Variants in UBR3 observed in about 807,000 individuals in gnomAD.
UBR3 encodes the protein E3 ubiquitin-protein ligase UBR3.
In UBR3, 85 loss-of-function variants were observed where a neutral mutation model predicts 243.2. That is an observed-to-expected ratio of 0.35 (90% CI 0.29 to 0.42). The LOEUF (loss-of-function observed/expected upper bound fraction) is 0.42. Ranked by LOEUF, UBR3 falls within the 10% of genes least tolerant of loss-of-function variation. The pLI, the probability that UBR3 is intolerant of heterozygous loss-of-function variation, is 1.00. For synonymous variants in UBR3, 748 were observed against 799.8 expected (o/e 0.94, Z 1.09); for missense variants, 1,686 against 2,300.8 (o/e 0.73, Z 5.47).
At chr2:169,929,791 A>G (rs1024440502) in intron 18 of UBR3, among the ~76,000 whole-genome samples, 2 of 152,154 alleles carry the variant, frequency 1.3e-5, no homozygotes, top group African/African-American at 4.8e-5. Flanking sequence ...TCACTTCTCT[A>G]AGTGAAAATT....
intron 8 of UBR3, among the ~76,000 whole-genome samples, chr2:169,899,177 A>G (rs1039029742): frequency 3.3e-5 from 5 of 149,438 alleles, no homozygotes; most frequent in Admixed American, 6.7e-5. Context: ...ACAGGGTTTC[A>G]CTGCATTGGC....
chr2:169,962,735 A>C (rs2087635394), intron 24 of UBR3, among the ~76,000 whole-genome samples: 1 of 139,170 alleles, frequency 7.2e-6, no homozygotes, highest in Non-Finnish European at 1.6e-5. Flanking sequence ...TTTCTGAAAG[A>C]GTTTAGGGTG....
chr2:169,912,203 T>C lies in UBR3; in HGVS notation c.1780-1857T>C, dbSNP rs527914102. 6.0e-4 allele frequency among the ~76,000 whole-genome samples: 79 copies of C among 132,078 alleles called. 1 individual carries two copies. The South Asian group carries it at 0.013, about 21-fold the overall frequency. 86.6% of individuals were successfully genotyped at this position (132,078 alleles called of 152,430 possible). On this transcript the variant is annotated intron_variant, in intron 10 of 38. Coordinates refer to ENST00000272793, the MANE Select transcript of UBR3 (RefSeq NM_172070.4). ...ACATTATACGTGATGCCCCAAAATA[T>C]CTGTTTTTAACTTAAAAAAGGAGAT...
In UBR3 at chr2:169,836,078, T is replaced by A. The variant is rs1195445435; in HGVS notation, c.545+8026T>A. ...ATATATATATATATATTTTTTTTTT[T>A]TTTTTTTTTTTTTTTGAGATGGAAA... On this transcript the variant is annotated intron_variant, in intron 1 of 38. Coordinates refer to ENST00000272793, the MANE Select transcript of UBR3 (RefSeq NM_172070.4). Among the ~76,000 whole-genome samples, 35 of 95,940 alleles carry A rather than the reference T, an allele frequency of 3.6e-4. 2 individuals are homozygous for A. Among genetic ancestry groups the A allele is most frequent in the Non-Finnish European group, 5.1e-4 (23 of 45,156 alleles). The allele number at this position is 95,940 out of a possible 152,430, so 62.9% of individuals were successfully genotyped here. A position where few individuals can be genotyped will look rare whatever the true frequency, so the allele number is the denominator to read the frequency against.
chr2:170,037,898 A>G (rs984200836), intron 31 of UBR3, among the ~76,000 whole-genome samples: 2 of 152,102 alleles, frequency 1.3e-5, no homozygotes, highest in Admixed American at 6.6e-5. Flanking sequence ...GCATACGGCA[A>G]TTTGGACTGA....
intron 10 of UBR3, among the ~76,000 whole-genome samples, chr2:169,910,481 T>C (rs1011368468): frequency 2.6e-5 from 4 of 152,140 alleles, no homozygotes; most frequent in Non-Finnish European, 5.9e-5. Flanking sequence ...TGAAAAATCA[T>C]TATTTCCGGG....
intron 1 of UBR3, among the ~76,000 whole-genome samples, chr2:169,842,605 A>T (rs1272159112): frequency 6.6e-6 from 1 of 152,146 alleles, no homozygotes; most frequent in African/African-American, 2.4e-5. Flanking sequence ...CGAGACCACG[A>T]GCCCGCCAGG....
At chr2:170,027,176 A>G (rs2090550787) in intron 30 of UBR3, among the ~76,000 whole-genome samples, 1 of 151,766 alleles carries the variant, frequency 6.6e-6, no homozygotes, top group African/African-American at 2.4e-5. Context: ...AGCTGGCAAT[A>G]TTAAATTTAT....
At chr2:170,064,393 C>A (rs2091511788) in intron 35 of UBR3, among the ~76,000 whole-genome samples, 1 of 151,952 alleles carries the variant, frequency 6.6e-6, no homozygotes, top group African/African-American at 2.4e-5. Context: ...TACACACCTA[C>A]TATGTACCCA....
At chr2:170,048,378 A>C (rs1283647732) in intron 32 of UBR3, among the ~76,000 whole-genome samples, 1 of 152,204 alleles carries the variant, frequency 6.6e-6, no homozygotes, top group Non-Finnish European at 1.5e-5. Context: ...TCACTCTGGC[A>C]TCATGCTGTT....
At chr2:169,964,727 C>T (rs540786144) in intron 24 of UBR3, 31 of 374,308 alleles carry the variant, frequency 8.3e-5, no homozygotes, top group South Asian at 6.3e-4. Context: ...ATAAACAATG[C>T]TTACAGCTCA....
At position 170,007,036 on chromosome 2, in the gene UBR3, C is replaced by T. The variant is rs778395230; in HGVS notation, c.4076C>T (p.Thr1359Met). ...TTCTCGGTGGACAAAGGAGAATTCA[C>T]GTGTCCACTCTGTAGGCAGTTTGCT... ...QGFSVDKGEF[T>M]CPLCRQFANS... Residue 1359 changes from threonine to methionine, a missense_variant, in exon 28 of 39, where the codon ACG becomes ATG. This residue lies in a region of UBR3 where 156 missense variants were observed against 246.3 expected (regional missense o/e 0.63). Coordinates refer to ENST00000272793, the MANE Select transcript of UBR3 (RefSeq NM_172070.4). The T allele has an allele frequency of 3.4e-5, 54 of 1,611,156 alleles. No homozygotes were observed. The highest frequency in any genetic ancestry group is 1.4e-5 in the African/African-American group (1 of 73,926).
chr2:169,983,828 T>G (rs1446150017), intron 24 of UBR3, among the ~76,000 whole-genome samples: 11 of 152,238 alleles, frequency 7.2e-5, no homozygotes, highest in Admixed American at 7.2e-4. Context: ...CTTTTTTGTA[T>G]TTATTGTAAT....
At position 169,986,666 on chromosome 2, in the gene UBR3, C is replaced by G; in HGVS notation, c.3656C>G (p.Pro1219Arg). The change falls in exon 25 of 39, where the codon CCT becomes CGT. Residue 1219 changes from proline to arginine, a missense_variant. Transcript: ENST00000272793. ...MDVDSPENDI[P>R]MEITTAEPQV... ...TCAGATTCTCCTGAGAATGATATTC[C>G]TATGGAGATCACCACGGCAGAACCA... 1 of 1,613,200 alleles carries G rather than the reference C, an allele frequency of 6.2e-7. No homozygotes were observed. Among genetic ancestry groups the G allele is most frequent in the South Asian group, 1.1e-5 (1 of 90,936 alleles).
Position 169,882,930 on chromosome 2 carries a change from G to A in UBR3, c.1038+4356G>A, listed in dbSNP as rs543428614. ...AATTAACTGATTCACTCAGGCTAGT[G>A]AATGCCGTCTAGTTAGTGGTAGAGT... On this transcript the variant is annotated intron_variant, in intron 5 of 38. Coordinates refer to ENST00000272793, the MANE Select transcript of UBR3 (RefSeq NM_172070.4). 1.4e-4 allele frequency among the ~76,000 whole-genome samples: 22 copies of A among 152,266 alleles called. No individual in the cohort carries two copies. In the South Asian group the frequency reaches 2.5e-3, roughly 17 times the overall value.
chr2:169,922,322 C>G lies in UBR3; in HGVS notation c.1867-1607C>G, dbSNP rs2085736336. Among the ~76,000 whole-genome samples, 2 of 150,910 alleles carry G rather than the reference C, an allele frequency of 1.3e-5. 1 individual carries two copies. Among genetic ancestry groups the G allele is most frequent in the South Asian group, 4.2e-4 (2 of 4,778 alleles). ...AAAAAAAAAAAGAGTCTGCACTTATCCACTGTGCTTAGTGCCTCAAAGGAA... is the reference window on the plus strand; with the variant it reads ...AAAAAAAAAAAGAGTCTGCACTTATGCACTGTGCTTAGTGCCTCAAAGGAA... On this transcript the variant is annotated intron_variant, in intron 11 of 38. Coordinates refer to ENST00000272793, the MANE Select transcript of UBR3 (RefSeq NM_172070.4).
intron 25 of UBR3, among the ~76,000 whole-genome samples, chr2:169,988,185 A>T (rs1211929041): frequency 1.3e-5 from 2 of 152,166 alleles, no homozygotes; most frequent in Admixed American, 6.5e-5. Flanking sequence ...TTGCCAATTG[A>T]CTTTCAACTT....
chr2:169,829,716 G>A (rs942026072), intron 1 of UBR3, among the ~76,000 whole-genome samples: 1 of 152,074 alleles, frequency 6.6e-6, no homozygotes, highest in Admixed American at 6.6e-5. Context: ...GAGCCACCGC[G>A]CCCGGCCAAC....
intron 30 of UBR3, among the ~76,000 whole-genome samples, chr2:170,028,297 A>G (rs1408839636): frequency 6.6e-6 from 1 of 151,744 alleles, no homozygotes; most frequent in East Asian, 1.9e-4. Context: ...TACACCCCAT[A>G]CTACCCCATT....
Sources: gnomAD v4.1 joint callset for allele counts (sites outside exome capture counted in the v4.1 genomes callset) on GRCh38, gnomAD v4.1.1 for gene constraint, gnomAD v4.1.1 regional missense constraint, MANE v1.5 for transcripts, NCBI Gene and HGNC (gene_info 2026-07-23, HGNC 2026-07-21) for gene names.